Variants in FBXW10 observed in about 807,000 individuals in gnomAD.
The protein encoded by FBXW10 is F-box/WD repeat-containing protein 10.
A neutral mutation model predicts 113.1 loss-of-function variants in FBXW10; 68 were observed. The observed-to-expected ratio is 0.60, with a 90% confidence interval of 0.49 to 0.74. FBXW10 has a LOEUF of 0.74. Ranked by LOEUF, FBXW10 falls within the 30% of genes least tolerant of loss-of-function variation. FBXW10 has a pLI of 0.00. For missense variants in FBXW10, 753 were observed against 1,284.5 expected, an observed-to-expected ratio of 0.59 and a Z score of 6.32; for synonymous variants, 289 against 481.6, an observed-to-expected ratio of 0.60 and a Z score of 5.24.
At chr17:18,762,381 G>T (rs1413269933) in intron 7 of FBXW10, among the ~76,000 whole-genome samples, 1 of 147,036 alleles carries the variant, frequency 6.8e-6, no homozygotes, top group Admixed American at 6.9e-5. Flanking sequence ...GCTGTGACGC[G>T]ATCTCGGCTC....
chr17:18,772,733 C>G (rs75892641), intron 12 of FBXW10, 50 bp downstream of exon 12: 2 of 1,523,000 alleles, frequency 1.3e-6, no homozygotes, highest in Non-Finnish European at 1.8e-6. Context: ...CAGAGCAGGT[C>G]GGGGTTTGGT....
intron 10 of FBXW10, among the ~76,000 whole-genome samples, chr17:18,769,302 G>A (rs926967731): frequency 2.0e-5 from 3 of 152,092 alleles, no homozygotes; most frequent in Non-Finnish European, 2.9e-5. Context: ...ATAAGTAAAC[G>A]CTAGGAATCA....
intron 11 of FBXW10, among the ~76,000 whole-genome samples, chr17:18,771,609 G>A (rs1220719529): frequency 6.6e-6 from 1 of 152,188 alleles, no homozygotes; most frequent in East Asian, 1.9e-4. Context: ...TGGTGTCTGC[G>A]TGGAGGGTCT....
intron 8 of FBXW10, 74 bp downstream of exon 8, chr17:18,764,937 T>C: frequency 1.9e-6 from 3 of 1,612,888 alleles, no homozygotes; most frequent in Non-Finnish European, 2.5e-6. Context: ...TTTGTTTTGC[T>C]CATTTCTATA....
chr17:18,765,268 T>C (rs1425714075), intron 8 of FBXW10, among the ~76,000 whole-genome samples: 1 of 152,236 alleles, frequency 6.6e-6, no homozygotes, highest in East Asian at 1.9e-4. Flanking sequence ...ATGCTTAACA[T>C]ACATTATTTA....
intron 9 of FBXW10, among the ~76,000 whole-genome samples, chr17:18,767,884 T>C (rs562009288): frequency 6.6e-6 from 1 of 152,274 alleles, no homozygotes; most frequent in East Asian, 1.9e-4. Flanking sequence ...GAAGGTAGTG[T>C]CTGTCCCAAA....
At chr17:18,751,768 G>A (rs1478643627) in intron 5 of FBXW10, among the ~76,000 whole-genome samples, 8 of 152,200 alleles carry the variant, frequency 5.3e-5, no homozygotes, top group Admixed American at 5.2e-4. Context: ...GGCCAGGGCT[G>A]GTTCCAGAAT....
At chr17:18,747,377 A>G (rs1372395397) in intron 1 of FBXW10, among the ~76,000 whole-genome samples, 1 of 152,178 alleles carries the variant, frequency 6.6e-6, no homozygotes, top group Non-Finnish European at 1.5e-5. Flanking sequence ...CCTGGCCAAC[A>G]TGGCGAAACC....
At position 18,749,994 on chromosome 17, in the gene FBXW10, A is replaced by G. The variant is rs2035128369; in HGVS notation, c.872-16A>G. ...GCCCAGTTCTGGGGTTTCTGGGTCC[A>G]TCTTTTTTTTTCCAGGAATGCTGGA... On this transcript the variant is annotated splice_polypyrimidine_tract_variant and intron_variant, in intron 3 of 13. Coordinates refer to ENST00000395665, the MANE Select transcript of FBXW10 (RefSeq NM_001267585.2). The G allele has an allele frequency of 1.2e-6, 2 of 1,613,754 alleles. No homozygotes were observed. The highest frequency in any genetic ancestry group is 1.1e-5 in the South Asian group (1 of 91,056).
chr17:18,765,308 A>G (rs565650775), intron 8 of FBXW10, among the ~76,000 whole-genome samples: 134 of 152,342 alleles, frequency 8.8e-4, no homozygotes, highest in African/African-American at 3.1e-3. Context: ...TGGTAATTTT[A>G]TAAATGGGCC....
intron 7 of FBXW10, among the ~76,000 whole-genome samples, chr17:18,761,838 A>T (rs1169675913): frequency 6.6e-6 from 1 of 152,194 alleles, no homozygotes; most frequent in South Asian, 2.1e-4. Context: ...ATATTTTCAA[A>T]TTAGTTATTG....
At chr17:18,751,742 G>A (rs2035175513) in intron 5 of FBXW10, among the ~76,000 whole-genome samples, 1 of 152,166 alleles carries the variant, frequency 6.6e-6, no homozygotes, top group African/African-American at 2.4e-5. Flanking sequence ...GGAATTTGAG[G>A]AGGACCCGAG....
chr17:18,757,767 A>G (rs2035294722), intron 6 of FBXW10, among the ~76,000 whole-genome samples: 1 of 152,250 alleles, frequency 6.6e-6, no homozygotes, highest in Non-Finnish European at 1.5e-5. Context: ...TGAAAGACTA[A>G]TTCAACTCAC....
chr17:18,769,691 C>CGCT (rs1283365439), intron 10 of FBXW10: 8 of 478,972 alleles, frequency 1.7e-5, no homozygotes, highest in Non-Finnish European at 2.9e-5. Context: ...ACAGGAGAAT[C>CGCT]GCTTGTATCT....
At chr17:18,766,539 C>T (rs1373680492) in intron 8 of FBXW10, among the ~76,000 whole-genome samples, 175 bp from the exon 9 acceptor site, 2 of 152,152 alleles carry the variant, frequency 1.3e-5, no homozygotes, top group African/African-American at 2.4e-5. Flanking sequence ...GGCACATGAG[C>T]GGTTGGTGAG....
intron 5 of FBXW10, among the ~76,000 whole-genome samples, chr17:18,753,405 C>T (rs1415440774): frequency 6.6e-6 from 1 of 152,020 alleles, no homozygotes; most frequent in Non-Finnish European, 1.5e-5. Context: ...CAGAAGCAGT[C>T]CAAGCATCTG....
chr17:18,749,502 G>A (rs904864491), intron 2 of FBXW10, among the ~76,000 whole-genome samples: 3 of 151,988 alleles, frequency 2.0e-5, no homozygotes, highest in Non-Finnish European at 4.4e-5. Context: ...AGCCGAGATC[G>A]CGCCACTACA....
Position 18,778,533 on chromosome 17 carries a change from C to T in FBXW10, c.2394C>T (p.Pro798=). 1 of 1,613,624 alleles carries T rather than the reference C, an allele frequency of 6.2e-7. No homozygotes were observed. Among genetic ancestry groups the T allele is most frequent in the Non-Finnish European group, 8.5e-7 (1 of 1,179,692 alleles). ...QGQLETPGKL[P]SHPKKKSWKI... Reference sequence around the variant, plus strand: ...AATTGGAAACTCCTGGAAAACTGCCCAGTCACCCAAAGAAAAAGTCTTGGA... The same window carrying T: ...AATTGGAAACTCCTGGAAAACTGCCTAGTCACCCAAAGAAAAAGTCTTGGA... Residue 798 remains proline (P), a synonymous_variant, in exon 14 of 14, where the codon CCC becomes CCT. Transcript: ENST00000395665.
chr17:18,744,187 T>C lies in FBXW10; in HGVS notation c.-58T>C, dbSNP rs959365809. On this transcript the variant is annotated 5_prime_UTR_variant, in exon 1 of 14. Transcript: ENST00000395665. ...TTCATTCCCCCCGTTCCTCTAGTGT[T>C]TGGTGGCGTTGCCGTTGCAAGTGCG... The C allele has an allele frequency of 3.3e-5, 50 of 1,536,448 alleles. No individual in the cohort carries two copies. In the African/African-American group the frequency reaches 6.2e-4, roughly 19 times the overall value.
Sources: gnomAD v4.1 joint callset for allele counts (sites outside exome capture counted in the v4.1 genomes callset) on GRCh38, gnomAD v4.1.1 for gene constraint, MANE v1.5 for transcripts, NCBI Gene and HGNC (gene_info 2026-07-23, HGNC 2026-07-21) for gene names.